WNK1: variants seen among roughly 807,000 people sequenced by gnomAD.
The protein encoded by WNK1 is serine/threonine-protein kinase WNK1.
Under a neutral mutation model 222.8 loss-of-function variants are expected in WNK1, and 38 were observed. The ratio of observed to expected loss-of-function variants is 0.17; its 90% CI spans 0.13 to 0.22. WNK1 has a LOEUF of 0.22. Ranked by LOEUF, WNK1 falls within the 10% of genes least tolerant of loss-of-function variation. The pLI, the probability that WNK1 is intolerant of heterozygous loss-of-function variation, is 1.00. For synonymous variants in WNK1, 1,090 were observed against 1,092.9 expected, an observed-to-expected ratio of 1.00 and a Z score of 0.05; for missense variants, 2,348 against 2,918.4, an observed-to-expected ratio of 0.80 and a Z score of 4.50.
At chr12:828,214 G>C (rs1353755808) in intron 3 of WNK1, among the ~76,000 whole-genome samples, 1 of 151,966 alleles carries the variant, frequency 6.6e-6, no homozygotes, top group African/African-American at 2.4e-5. Flanking sequence ...GCTGAGGCAG[G>C]AGAATCACTT....
rs1955911094 is a variant in WNK1 at position 908,821 on chromosome 12, G to C, written c.*29G>C. ...TAGAGACATTAACTGAATAGATCTG[G>C]GGGCAGGAGATGGAATGCTGAGGGG... On this transcript the variant is annotated 3_prime_UTR_variant, in exon 28 of 28. Transcript: ENST00000315939. 2.5e-6 allele frequency: 4 copies of C among 1,604,424 alleles called. No homozygotes were observed.
intron 1 of WNK1, among the ~76,000 whole-genome samples, chr12:773,033 C>G (rs1050243782): frequency 1.3e-5 from 2 of 152,074 alleles, no homozygotes; most frequent in Non-Finnish European, 2.9e-5. Flanking sequence ...CCAAGGCGGG[C>G]AGATCACCTG....
chr12:868,080 TTCCACC>T, intron 8 of WNK1: 1 of 1,614,030 alleles, frequency 6.2e-7, no homozygotes, highest in Non-Finnish European at 8.5e-7. Context: ...CAAAGTCTTC[TTCCACC>T]TGGTGGCAGC....
At chr12:778,901 G>A (rs940009064) in intron 1 of WNK1, among the ~76,000 whole-genome samples, 1 of 152,094 alleles carries the variant, frequency 6.6e-6, no homozygotes, top group Admixed American at 6.5e-5. Flanking sequence ...GCAAAAGCTG[G>A]TACTACCAGG....
chr12:827,559 C>G lies in WNK1; in HGVS notation c.1153+297C>G, dbSNP rs1346029839. On this transcript the variant is annotated intron_variant, in intron 3 of 27. Transcript: ENST00000315939. This position sits in a 1 kb window ranked among gnomAD's most constrained non-coding sequence, Gnocchi z 4.6. ...TGTTGTTGTTGTTGAGATGGAGTCT[C>G]TCTCTGTCACCCAGGCTAGAGTGCA... is the stretch of plus-strand genomic sequence containing the variant. 2.1e-6 allele frequency: 1 copy of G among 471,428 alleles called. No homozygotes were observed. Among genetic ancestry groups the G allele is most frequent in the Non-Finnish European group, 3.8e-6 (1 of 262,552 alleles). The allele number at this position is 471,428 out of a possible 1,614,324, so 29.2% of individuals were successfully genotyped here. A position where few individuals can be genotyped will look rare whatever the true frequency, so the allele number is the denominator to read the frequency against.
At chr12:817,562 A>C (rs150995869) in intron 2 of WNK1, among the ~76,000 whole-genome samples, 2 of 152,158 alleles carry the variant, frequency 1.3e-5, no homozygotes, top group African/African-American at 4.8e-5. Flanking sequence ...TCGAGTTTCT[A>C]CCTTTGTTCT....
intron 2 of WNK1, among the ~76,000 whole-genome samples, chr12:815,493 T>C (rs1947271824): frequency 1.3e-5 from 2 of 152,208 alleles, no homozygotes; most frequent in South Asian, 4.1e-4. Flanking sequence ...CAACTTCCAC[T>C]CTTGTTTATG....
chr12:893,401 C>G (rs539497423), intron 22 of WNK1, among the ~76,000 whole-genome samples: 1 of 152,114 alleles, frequency 6.6e-6, no homozygotes, highest in Non-Finnish European at 1.5e-5. Flanking sequence ...GGAATGATCT[C>G]AAAGATATAG....
intron 2 of WNK1, among the ~76,000 whole-genome samples, chr12:818,616 G>C (rs1453103509): frequency 1.3e-5 from 2 of 152,156 alleles, no homozygotes; most frequent in Non-Finnish European, 2.9e-5. Flanking sequence ...TATGCCCGTG[G>C]AACAATTTCC....
rs1425549006 is a variant in WNK1 at position 910,400 on chromosome 12, T to G, written c.*1608T>G. ...ATCATAATCTATTGTGCCACCTTTA[T>G]TTCTAGAAGTACAACTAATATGTTC... On this transcript the variant is annotated 3_prime_UTR_variant, in exon 28 of 28. Coordinates refer to ENST00000315939, the MANE Select transcript of WNK1 (RefSeq NM_018979.4). The G allele has an allele frequency of 6.6e-6, 1 of 152,222 alleles. No homozygotes were observed. The highest frequency in any genetic ancestry group is 1.5e-5 in the Non-Finnish European group (1 of 68,042). The allele number at this position is 152,222 out of a possible 1,614,324, so 9.4% of individuals were successfully genotyped here.
intron 1 of WNK1, among the ~76,000 whole-genome samples, chr12:769,203 G>A (rs987875630): frequency 8.6e-5 from 13 of 150,384 alleles, no homozygotes; most frequent in South Asian, 6.3e-4. Flanking sequence ...GCTACCTTCC[G>A]TTTCCTTTTT....
intron 22 of WNK1, among the ~76,000 whole-genome samples, chr12:891,901 C>T (rs1434717920): frequency 6.6e-6 from 1 of 151,292 alleles, no homozygotes; most frequent in African/African-American, 2.4e-5. Context: ...GCACTCCATC[C>T]TAGGTGGCAG....
chr12:907,319 TCA>T (rs1955793317), intron 26 of WNK1, among the ~76,000 whole-genome samples: 1 of 84,680 alleles, frequency 1.2e-5, no homozygotes. Flanking sequence ...AGACTCCATC[TCA>T]AAAAAAAAAA....
intron 1 of WNK1, among the ~76,000 whole-genome samples, chr12:806,782 G>A (rs543497263): frequency 1.8e-4 from 27 of 152,304 alleles, no homozygotes; most frequent in Admixed American, 5.2e-4. Flanking sequence ...ATAAAATGTC[G>A]TAGATATTTG....
At chr12:851,660 T>C (rs1253467410) in intron 4 of WNK1, 1 of 1,302,222 alleles carries the variant, frequency 7.7e-7, no homozygotes, top group South Asian at 1.2e-5. Context: ...TCCTTCATTT[T>C]CCTCCAATAA....
chr12:848,412 G>A (rs892633808), intron 4 of WNK1, among the ~76,000 whole-genome samples: 1 of 151,018 alleles, frequency 6.6e-6, no homozygotes, highest in Admixed American at 6.6e-5. Context: ...TTAAAGAGAT[G>A]AGGTATTAGA....
chr12:768,317 G>A (rs1942031737), intron 1 of WNK1, among the ~76,000 whole-genome samples: 1 of 152,084 alleles, frequency 6.6e-6, no homozygotes, highest in African/African-American at 2.4e-5. Context: ...TATATTTTTA[G>A]TAGAGACGGG....
chr12:772,857 G>A (rs1013714941), intron 1 of WNK1, among the ~76,000 whole-genome samples: 3 of 152,048 alleles, frequency 2.0e-5, no homozygotes, highest in South Asian at 2.1e-4. Context: ...TCACTGCTTC[G>A]CATATAATTT....
chr12:868,311 C>G lies in WNK1; in HGVS notation c.2140-2954C>G, dbSNP rs1402828904. ...GGGGTACATTACCAGGCCCGGGTGG[C>G]AGAACAGTATGAGGGCATTCCATAC... On this transcript the variant is annotated intron_variant, in intron 8 of 27. Transcript: ENST00000315939. The G allele has an allele frequency of 1.9e-6, 3 of 1,611,702 alleles. No homozygotes were observed. The Admixed American group carries it at 5.0e-5, about 27-fold the overall frequency.
Sources: allele counts gnomAD v4.1 joint callset (sites outside exome capture counted in the v4.1 genomes callset), GRCh38; gene constraint gnomAD v4.1.1; non-coding constraint Gnocchi (gnomAD v3.1); transcripts MANE v1.5; gene names NCBI Gene and HGNC (gene_info 2026-07-23, HGNC 2026-07-21).